The following SASH1 variants were observed in gnomAD, a reference collection of about 807,000 sequenced individuals.
SASH1 encodes the protein SAM and SH3 domain-containing protein 1.
In SASH1, 44 loss-of-function variants were observed where a neutral mutation model predicts 125.2. The ratio of observed to expected loss-of-function variants is 0.35; its 90% CI spans 0.28 to 0.45. The LOEUF is 0.45. Ranked by LOEUF, SASH1 falls within the 20% of genes least tolerant of loss-of-function variation. SASH1 has a pLI of 1.00. For synonymous variants in SASH1, 639 were observed against 649.1 expected (o/e 0.98, Z 0.24); for missense variants, 1,426 against 1,614.5 (o/e 0.88, Z 2.00).
chr6:148,540,684 C>T lies in SASH1; in HGVS notation c.2209+128C>T, dbSNP rs186652111. The T allele has an allele frequency of 7.7e-5, 54 of 697,742 alleles. No individual in the cohort carries two copies. In the Admixed American group the frequency reaches 1.2e-3, roughly 15 times the overall value. The allele number at this position is 697,742 out of a possible 1,614,324, so 43.2% of individuals were successfully genotyped here. On this transcript the variant is annotated intron_variant, in intron 17 of 19. Coordinates refer to ENST00000367467, the MANE Select transcript of SASH1 (RefSeq NM_015278.5). ...ATCATCGTTTCCTTTCTCACCTCTA[C>T]ACCATTCTAGTCCAAGTTAGCCTCC...
At chr6:148,415,719 G>A (rs191504172) in intron 2 of SASH1, among the ~76,000 whole-genome samples, 25 of 152,268 alleles carry the variant, frequency 1.6e-4, no homozygotes, top group East Asian at 1.5e-3. Flanking sequence ...AAAGGTCACC[G>A]CAGAGCCATC....
chr6:148,444,326 T>G (rs1292533019), intron 4 of SASH1, among the ~76,000 whole-genome samples: 1 of 152,200 alleles, frequency 6.6e-6, no homozygotes, highest in Non-Finnish European at 1.5e-5. Flanking sequence ...AAGTCTCAAG[T>G]CACAGGAAGT....
At chr6:148,200,294 T>C in the SASH1 span, among the ~76,000 whole-genome samples, 2 of 152,230 alleles carry the variant, frequency 1.3e-5, no homozygotes, top group Non-Finnish European at 2.9e-5. Flanking sequence ...TTTAGAACTC[T>C]AGCCTGAAAC....
chr6:148,535,683 G>A (rs768869048), intron 16 of SASH1, among the ~76,000 whole-genome samples: 24 of 152,224 alleles, frequency 1.6e-4, no homozygotes, highest in Non-Finnish European at 3.2e-4. Flanking sequence ...CATACCCTTT[G>A]CTCCATTAAC....
the SASH1 span, among the ~76,000 whole-genome samples, chr6:148,210,031 G>A: frequency 2.0e-5 from 3 of 152,096 alleles, no homozygotes; most frequent in Non-Finnish European, 2.9e-5. Flanking sequence ...CATAATTTTC[G>A]TTTATGGCTT....
chr6:148,263,761 G>A, the SASH1 span, among the ~76,000 whole-genome samples: 1 of 152,188 alleles, frequency 6.6e-6, no homozygotes, highest in African/African-American at 2.4e-5. Context: ...GCTGTAAAAT[G>A]TGTCAGTTGT....
chr6:148,348,077 G>A (rs897850211), intron 1 of SASH1, among the ~76,000 whole-genome samples: 3 of 152,016 alleles, frequency 2.0e-5, no homozygotes, highest in East Asian at 1.9e-4. Context: ...TGCAATCTCC[G>A]GTCACTGCAA....
intron 1 of SASH1, among the ~76,000 whole-genome samples, chr6:148,284,237 G>C (rs755453787): frequency 1.3e-5 from 2 of 152,074 alleles, no homozygotes; most frequent in Non-Finnish European, 2.9e-5. Flanking sequence ...TCAGGAGTTC[G>C]AGACCAGCCT....
chr6:148,531,766 C>T (rs886143808), intron 13 of SASH1, 105 bp downstream of exon 13: 6 of 915,218 alleles, frequency 6.6e-6, no homozygotes, highest in Non-Finnish European at 4.4e-6. Flanking sequence ...CCAAGTCCTG[C>T]CCTTCAGGTG....
At chr6:148,538,412 C>CTAAA (rs1353285043) in intron 16 of SASH1, among the ~76,000 whole-genome samples, 2 of 152,170 alleles carry the variant, frequency 1.3e-5, no homozygotes, top group African/African-American at 4.8e-5. Flanking sequence ...TATCATTTTT[C>CTAAA]TAAATAACAT....
At chr6:148,426,500 C>T (rs2473561) in intron 2 of SASH1, among the ~76,000 whole-genome samples, 66,007 of 151,920 alleles carry the variant, frequency 0.43, 14,499 homozygotes, top group South Asian at 0.67. Flanking sequence ...CCATTGTCCC[C>T]GGGAAATGTG....
chr6:148,530,694 G>A (rs971317816), intron 12 of SASH1, among the ~76,000 whole-genome samples: 1 of 152,174 alleles, frequency 6.6e-6, no homozygotes, highest in African/African-American at 2.4e-5. Flanking sequence ...TTCTATTTTG[G>A]CAAGTAAACA....
chr6:148,320,350 ACC>A (rs888496488), intron 1 of SASH1, among the ~76,000 whole-genome samples: 3 of 152,108 alleles, frequency 2.0e-5, no homozygotes, highest in Non-Finnish European at 4.4e-5. Flanking sequence ...TGTATGGGCC[ACC>A]CCCCTTGATA....
chr6:148,518,937 C>T (rs1371241799), intron 9 of SASH1, among the ~76,000 whole-genome samples: 3 of 152,136 alleles, frequency 2.0e-5, no homozygotes, highest in African/African-American at 7.2e-5. Context: ...AGTATCTGGC[C>T]GGGATCACTG....
At chr6:148,229,761 G>T in the SASH1 span, among the ~76,000 whole-genome samples, 4 of 133,032 alleles carry the variant, frequency 3.0e-5, no homozygotes, top group African/African-American at 1.2e-4. Context: ...TTGCTCTGTC[G>T]CCTAGGCTGG....
intron 1 of SASH1, among the ~76,000 whole-genome samples, chr6:148,298,712 A>AGGAAGGAAGGAAGGAG (rs369219222): frequency 1.7e-5 from 1 of 58,822 alleles, no homozygotes; most frequent in South Asian, 1.0e-3. Flanking sequence ...GAAGGAAGGA[A>AGGAAGGAAGGAAGGAG]GAAGGAAGGG....
intron 1 of SASH1, among the ~76,000 whole-genome samples, chr6:148,366,154 G>T (rs1245013471): frequency 1.3e-5 from 2 of 151,900 alleles, no homozygotes; most frequent in African/African-American, 2.4e-5. Context: ...GCATGGTAGC[G>T]CTGCCTGTAT....
At chr6:148,395,631 G>A (rs1483164159) in intron 2 of SASH1, among the ~76,000 whole-genome samples, 1 of 152,202 alleles carries the variant, frequency 6.6e-6, no homozygotes, top group African/African-American at 2.4e-5. Context: ...CAGGAATGGT[G>A]TGTTTGGACC....
chr6:148,207,978 C>T, the SASH1 span, among the ~76,000 whole-genome samples: 1 of 152,176 alleles, frequency 6.6e-6, no homozygotes, highest in African/African-American at 2.4e-5. Context: ...GAGACCATGA[C>T]TGCATTTAAG....
Sources: gnomAD v4.1 joint callset for allele counts (sites outside exome capture counted in the v4.1 genomes callset) on GRCh38, gnomAD v4.1.1 for gene constraint, MANE v1.5 for transcripts, NCBI Gene and HGNC (gene_info 2026-07-23, HGNC 2026-07-21) for gene names.